Variants in PCSK5 observed in about 807,000 individuals in gnomAD.
PCSK5 encodes proprotein convertase subtilisin/kexin type 5, also known as prohormone convertase 5.
In PCSK5, 129 loss-of-function variants were observed where a neutral mutation model predicts 233.2. The observed-to-expected ratio is 0.55, with a 90% CI of 0.48 to 0.64. PCSK5 has a LOEUF of 0.64. Ranked by LOEUF, PCSK5 falls within the 30% of genes least tolerant of loss-of-function variation. PCSK5 has a pLI of 0.00. For missense variants in PCSK5, 2,076 were observed against 2,430.1 expected (o/e 0.85, Z 3.06); for synonymous variants, 825 against 879.2 (o/e 0.94, Z 1.09).
chr9:75,926,521 AC>A (rs1308124862), intron 1 of PCSK5, among the ~76,000 whole-genome samples: 1 of 152,148 alleles, frequency 6.6e-6, no homozygotes, highest in East Asian at 1.9e-4. Flanking sequence ...TCCAGCACAC[AC>A]CTTTGCACTT....
upstream of PCSK5, among the ~76,000 whole-genome samples, chr9:75,890,162 T>C (rs959332991): frequency 3.9e-5 from 6 of 152,216 alleles, no homozygotes; most frequent in African/African-American, 1.4e-4. Flanking sequence ...TCGATGCGAC[T>C]TACTGTCCTG....
Position 75,959,854 on chromosome 9 carries a change from T to A in PCSK5, c.298-26278T>A. Among the ~76,000 whole-genome samples, 2 of 152,216 alleles carry A rather than the reference T, an allele frequency of 1.3e-5. 1 individual carries two copies. Among genetic ancestry groups the A allele is most frequent in the East Asian group, 3.9e-4 (2 of 5,188 alleles). On this transcript the variant is annotated intron_variant, in intron 2 of 37. Transcript: ENST00000674117. ...GGGAGAAATAGGAATGAGTAAGGTA[T>A]GGTAAGCTTTATGGTAAAGACAATA...
At chr9:75,988,725 T>A (rs530178146) in intron 3 of PCSK5, among the ~76,000 whole-genome samples, 4 of 152,310 alleles carry the variant, frequency 2.6e-5, no homozygotes, top group Admixed American at 2.6e-4. Flanking sequence ...CATGAATATT[T>A]TTCTAATGCA....
chr9:76,010,311 T>A (rs965952945), intron 3 of PCSK5, among the ~76,000 whole-genome samples: 2 of 152,212 alleles, frequency 1.3e-5, no homozygotes, highest in Non-Finnish European at 2.9e-5. Context: ...TGGGGCTTTT[T>A]TTCCTTGCAG....
chr9:75,960,810 G>T (rs886921298), intron 2 of PCSK5, among the ~76,000 whole-genome samples: 1 of 152,142 alleles, frequency 6.6e-6, no homozygotes, highest in African/African-American at 2.4e-5. Context: ...TACTCTTCCA[G>T]AATTTGAGAG....
chr9:76,168,087 A>T (rs1823163133), intron 12 of PCSK5, among the ~76,000 whole-genome samples: 1 of 152,112 alleles, frequency 6.6e-6, no homozygotes, highest in Non-Finnish European at 1.5e-5. Context: ...CTTTACAGAA[A>T]ATGTCTTCTG....
At chr9:76,026,514 A>G (rs1159006285) in intron 4 of PCSK5, among the ~76,000 whole-genome samples, 1 of 152,210 alleles carries the variant, frequency 6.6e-6, no homozygotes, top group Non-Finnish European at 1.5e-5. Context: ...TGAAATCTAT[A>G]TATTATGATA....
At chr9:75,999,687 G>A (rs1827183562) in intron 3 of PCSK5, among the ~76,000 whole-genome samples, 1 of 152,216 alleles carries the variant, frequency 6.6e-6, no homozygotes, top group African/African-American at 2.4e-5. Flanking sequence ...TCCAGCTTGG[G>A]CGTTAGAGCC....
intron 1 of PCSK5, among the ~76,000 whole-genome samples, chr9:75,909,995 G>T (rs183656156): frequency 6.6e-6 from 1 of 152,208 alleles, no homozygotes; most frequent in South Asian, 2.1e-4. Flanking sequence ...TCCAGATGGT[G>T]GATGCTTCAT....
intron 3 of PCSK5, among the ~76,000 whole-genome samples, chr9:76,015,344 A>C (rs371242780): frequency 2.0e-5 from 3 of 152,344 alleles, no homozygotes; most frequent in South Asian, 4.1e-4. Context: ...TCCCTTCTGG[A>C]AGCACGTGCA....
chr9:75,932,473 T>G lies in PCSK5; in HGVS notation c.287T>G (p.Met96Arg). ...SSRGTHSFIS[M>R]EPKVEWIQQQ... ...AGAGGGACCCACAGTTTCATTTCAA[T>G]GGAACCAAAGGTAAGAAGAACCAGT... is the stretch of plus-strand genomic sequence containing the variant. Residue 96 changes from methionine to arginine, a missense_variant, in exon 2 of 38, where the codon ATG becomes AGG. Transcript: ENST00000674117. 1.2e-6 allele frequency: 2 copies of G among 1,603,138 alleles called. No homozygotes were observed. The highest frequency in any genetic ancestry group is 1.7e-6 in the Non-Finnish European group (2 of 1,169,910).
At chr9:76,081,657 T>C (rs142402220) in intron 7 of PCSK5, among the ~76,000 whole-genome samples, 1 of 152,164 alleles carries the variant, frequency 6.6e-6, no homozygotes. Flanking sequence ...GCGGAATTAG[T>C]TTGTGTAATT....
chr9:76,136,189 G>A (rs1040551518), intron 10 of PCSK5, among the ~76,000 whole-genome samples: 4 of 151,596 alleles, frequency 2.6e-5, no homozygotes, highest in South Asian at 2.1e-4. Context: ...GGCGAGTCCC[G>A]TATTTCATCT....
rs540125392 is a variant in PCSK5 at position 75,932,633 on chromosome 9, T to C, written c.297+150T>C. ...TGGTCTAGTGTCTATGCTTCCTCTT[T>C]AGACAAAACTAGGCAGTGGCTTGAT... On this transcript the variant is annotated intron_variant, in intron 2 of 37. Coordinates refer to ENST00000674117, the MANE Select transcript of PCSK5 (RefSeq NM_001372043.1). 7.4e-5 allele frequency: 45 copies of C among 607,538 alleles called. No individual in the cohort carries two copies. In the South Asian group the frequency reaches 8.6e-4, roughly 12 times the overall value. The allele number at this position is 607,538 out of a possible 1,614,324, so 37.6% of individuals were successfully genotyped here.
intron 25 of PCSK5, among the ~76,000 whole-genome samples, chr9:76,292,614 G>A (rs1828312540): frequency 6.6e-6 from 1 of 152,130 alleles, no homozygotes; most frequent in Admixed American, 6.6e-5. Flanking sequence ...ACGTCTGCAT[G>A]GATACTGCGT....
At chr9:75,977,324 C>T (rs764496508) in intron 2 of PCSK5, among the ~76,000 whole-genome samples, 1 of 151,814 alleles carries the variant, frequency 6.6e-6, no homozygotes, top group East Asian at 2.0e-4. Context: ...CAGATCATCC[C>T]TTCACCTTGG....
In PCSK5 at chr9:76,355,390, G is replaced by A. The variant is rs543630360; in HGVS notation, c.5254+1171G>A. 7.7e-4 allele frequency among the ~76,000 whole-genome samples: 117 copies of A among 152,104 alleles called. No individual in the cohort carries two copies. In the Middle Eastern group the frequency reaches 0.017, roughly 22 times the overall value. On this transcript the variant is annotated intron_variant, in intron 37 of 37. Transcript: ENST00000674117. ...CAGGAGGCTGAGGCAAGAGAATGGC[G>A]TGAACCCGGGAGGCAGAGCTCGCAG...
At chr9:76,124,664 T>G (rs930142890) in intron 9 of PCSK5, among the ~76,000 whole-genome samples, 5 of 146,874 alleles carry the variant, frequency 3.4e-5, no homozygotes, top group Admixed American at 7.1e-5. Flanking sequence ...GGGAATCACT[T>G]GAACCCGGGA....
In PCSK5 at chr9:75,967,432, C is replaced by A. The variant is rs556215992; in HGVS notation, c.298-18700C>A. On this transcript the variant is annotated intron_variant, in intron 2 of 37. Transcript: ENST00000674117. Reference sequence around the variant, plus strand: ...TTGCTGCAAACGACATGATTTCATTCTTTTTTGTGGCTTTATAGTATTCCA... The same window carrying A: ...TTGCTGCAAACGACATGATTTCATTATTTTTTGTGGCTTTATAGTATTCCA... 2.6e-5 allele frequency among the ~76,000 whole-genome samples: 4 copies of A among 152,256 alleles called. No individual in the cohort carries two copies. In the South Asian group the frequency reaches 8.3e-4, roughly 32 times the overall value.
Sources: gnomAD v4.1 joint callset for allele counts (sites outside exome capture counted in the v4.1 genomes callset) on GRCh38, gnomAD v4.1.1 for gene constraint, MANE v1.5 for transcripts, NCBI Gene and HGNC (gene_info 2026-07-23, HGNC 2026-07-21) for gene names.